Variants in DIP2C observed in about 807,000 individuals in gnomAD.
DIP2C encodes DIP2 acetate--CoA ligase C (putative).
Under a neutral mutation model 192.4 loss-of-function variants are expected in DIP2C, and 33 were observed. The ratio of observed to expected loss-of-function variants is 0.17; its 90% CI spans 0.13 to 0.23. The LOEUF is 0.23. Ranked by LOEUF, DIP2C falls within the 10% of genes least tolerant of loss-of-function variation. DIP2C has a pLI of 1.00. For missense variants in DIP2C, 1,537 were observed against 2,110.1 expected (o/e 0.73, Z 5.32); for synonymous variants, 979 against 864.1 (o/e 1.13, Z -2.33).
chr10:504,348 G>A (rs1845442814), intron 1 of DIP2C, among the ~76,000 whole-genome samples: 2 of 151,780 alleles, frequency 1.3e-5, no homozygotes, highest in Admixed American at 6.6e-5. Context: ...CAGGCGTGCC[G>A]AGGCTGGCCA....
At chr10:324,971 T>C (rs1423868203) in intron 31 of DIP2C, 3 of 532,432 alleles carry the variant, frequency 5.6e-6, no homozygotes, top group Non-Finnish European at 1.2e-5. Flanking sequence ...TAAACCATCT[T>C]AAAACATTTT....
intron 1 of DIP2C, among the ~76,000 whole-genome samples, chr10:568,232 T>TCA: frequency 6.6e-6 from 1 of 152,118 alleles, no homozygotes; most frequent in Non-Finnish European, 1.5e-5. Flanking sequence ...CAAACACCTC[T>TCA]CACATCAATC....
At chr10:330,490 A>C (rs764838850) in intron 29 of DIP2C, among the ~76,000 whole-genome samples, 3 of 152,128 alleles carry the variant, frequency 2.0e-5, no homozygotes, top group Non-Finnish European at 4.4e-5. Flanking sequence ...TAGATAAATC[A>C]CGTTCTAAGA....
intron 1 of DIP2C, among the ~76,000 whole-genome samples, chr10:560,668 A>G (rs1444961365): frequency 6.6e-6 from 1 of 152,242 alleles, no homozygotes; most frequent in Non-Finnish European, 1.5e-5. Context: ...CACACGGGCT[A>G]TCATCCACAG....
At chr10:617,414 T>C (rs1203899449) in intron 1 of DIP2C, among the ~76,000 whole-genome samples, 1 of 152,142 alleles carries the variant, frequency 6.6e-6, no homozygotes, top group African/African-American at 2.4e-5. Context: ...AGGGTGGCTG[T>C]GGAGACTGAG....
At chr10:383,200 T>G (rs1272067563) in intron 16 of DIP2C, among the ~76,000 whole-genome samples, 4 of 152,264 alleles carry the variant, frequency 2.6e-5, no homozygotes, top group South Asian at 4.1e-4. Context: ...TGTATTGTTT[T>G]GTACTTATGG....
chr10:442,521 A>G (rs180871173), intron 3 of DIP2C, among the ~76,000 whole-genome samples: 1 of 152,148 alleles, frequency 6.6e-6, no homozygotes, highest in African/African-American at 2.4e-5. Flanking sequence ...TTTGTTTTGC[A>G]TATTCTCCAT....
chr10:399,867 TGTG>T (rs1248687452), intron 9 of DIP2C, among the ~76,000 whole-genome samples: 2 of 152,160 alleles, frequency 1.3e-5, no homozygotes, highest in African/African-American at 4.8e-5. Flanking sequence ...CACACGTGCA[TGTG>T]TTGTGGGCCC....
intron 5 of DIP2C, among the ~76,000 whole-genome samples, chr10:422,313 G>T (rs1966246012): frequency 6.6e-6 from 1 of 152,144 alleles, no homozygotes; most frequent in East Asian, 1.9e-4. Context: ...CTTTTCCACA[G>T]CATGTTCAAA....
intron 3 of DIP2C, among the ~76,000 whole-genome samples, chr10:454,723 A>C (rs1006118407): frequency 1.4e-4 from 22 of 152,092 alleles, no homozygotes; most frequent in African/African-American, 4.6e-4. Context: ...AGCACCCCTC[A>C]GAGAAAGAGG....
chr10:414,542 CTCTT>C (rs1965411837), intron 7 of DIP2C, among the ~76,000 whole-genome samples: 1 of 151,864 alleles, frequency 6.6e-6, no homozygotes, highest in Non-Finnish European at 1.5e-5. Flanking sequence ...CAGGGTCTCT[CTCTT>C]TTGCCTTGGC....
intron 1 of DIP2C, among the ~76,000 whole-genome samples, chr10:617,357 G>A (rs1434761261): frequency 6.6e-6 from 1 of 151,896 alleles, no homozygotes; most frequent in Admixed American, 6.6e-5. Context: ...GTGAGCCCCT[G>A]AGATTTCTCA....
At chr10:596,147 G>T (rs993602611) in intron 1 of DIP2C, among the ~76,000 whole-genome samples, 1 of 152,076 alleles carries the variant, frequency 6.6e-6, no homozygotes, top group African/African-American at 2.4e-5. Context: ...AAGCTGAAAG[G>T]TCACAGATAA....
At chr10:391,244 A>G (rs1234746437) in intron 10 of DIP2C, among the ~76,000 whole-genome samples, 1 of 152,194 alleles carries the variant, frequency 6.6e-6, no homozygotes, top group African/African-American at 2.4e-5. Context: ...GGCCTGAAAA[A>G]ACACTTCTAC....
At chr10:650,514 G>A (rs891876567) in intron 1 of DIP2C, 1 of 686,830 alleles carries the variant, frequency 1.5e-6, no homozygotes, top group South Asian at 1.6e-5. Context: ...CTCTTCCCCT[G>A]CCCCAGCTGG....
intron 32 of DIP2C, among the ~76,000 whole-genome samples, chr10:295,621 A>G (rs1297604868): frequency 7.4e-6 from 1 of 135,558 alleles, no homozygotes; most frequent in Non-Finnish European, 1.6e-5. Context: ...AAAAAAAAAG[A>G]AGGCTATTAT....
At chr10:587,354 T>C (rs1439839516) in intron 1 of DIP2C, among the ~76,000 whole-genome samples, 1 of 152,224 alleles carries the variant, frequency 6.6e-6, no homozygotes. Context: ...AACGCGGTGA[T>C]AACCGTGGCC....
chr10:445,015 C>T (rs1388425152), intron 3 of DIP2C, among the ~76,000 whole-genome samples: 6 of 152,200 alleles, frequency 3.9e-5, no homozygotes, highest in East Asian at 1.9e-4. Context: ...CTAAAGTGGC[C>T]GTGCCGTTTT....
intron 1 of DIP2C, among the ~76,000 whole-genome samples, chr10:519,540 G>A (rs1277309705): frequency 6.6e-6 from 1 of 152,128 alleles, no homozygotes; most frequent in Non-Finnish European, 1.5e-5. Context: ...AAATCAGGAC[G>A]TGCACAGGCC....
Sources: allele counts gnomAD v4.1 joint callset (sites outside exome capture counted in the v4.1 genomes callset), GRCh38; gene constraint gnomAD v4.1.1; transcripts MANE v1.5; gene names NCBI Gene and HGNC (gene_info 2026-07-23, HGNC 2026-07-21).